GRM7: variants seen among roughly 807,000 people sequenced by gnomAD.
The protein encoded by GRM7 is metabotropic glutamate receptor 7.
GRM7 carries 35 observed loss-of-function variants against 84.5 expected under a neutral mutation model. The ratio of observed to expected loss-of-function variants is 0.41; its 90% CI spans 0.32 to 0.55. The LOEUF (loss-of-function observed/expected upper bound fraction) is 0.55. Among genes scored for constraint, GRM7 ranks in the 20% least tolerant of loss-of-function variants. GRM7 has a pLI of 0.19. For missense variants in GRM7, 1,003 were observed against 1,194.6 expected (o/e 0.84, Z 2.36); for synonymous variants, 487 against 455.1 (o/e 1.07, Z -0.89).
At chr3:7,694,109 C>T (rs1559491989) in intron 9 of GRM7, among the ~76,000 whole-genome samples, 1 of 152,028 alleles carries the variant, frequency 6.6e-6, no homozygotes, top group African/African-American at 2.4e-5. Context: ...AAAAGAAAAT[C>T]AAATAAGGGA....
At chr3:7,024,361 A>G (rs1414004604) in intron 1 of GRM7, among the ~76,000 whole-genome samples, 1 of 152,210 alleles carries the variant, frequency 6.6e-6, no homozygotes, top group African/African-American at 2.4e-5. Flanking sequence ...CAAACCAACC[A>G]CACCAAATGC....
Position 7,427,322 on chromosome 3 carries a change from C to T in GRM7, c.1174+12159C>T, listed in dbSNP as rs149393168. On this transcript the variant is annotated intron_variant, in intron 5 of 9. Coordinates refer to ENST00000357716, the MANE Select transcript of GRM7 (RefSeq NM_000844.4). Reference sequence around the variant, plus strand: ...ATCTTCTCTGCATTGATCATTGTTACGTTCAGTGCTCTTATGTTATGCTCT... The same window carrying T: ...ATCTTCTCTGCATTGATCATTGTTATGTTCAGTGCTCTTATGTTATGCTCT... Among the ~76,000 whole-genome samples, 506 of 152,240 alleles carry T rather than the reference C, an allele frequency of 3.3e-3. 2 individuals carry two copies. The highest frequency in any genetic ancestry group is 5.4e-3 in the Non-Finnish European group (370 of 68,018).
intron 2 of GRM7, among the ~76,000 whole-genome samples, chr3:7,186,526 G>A (rs992374841): frequency 6.6e-6 from 1 of 152,106 alleles, no homozygotes; most frequent in Non-Finnish European, 1.5e-5. Flanking sequence ...AACGAATAAG[G>A]CCAGGGCATA....
chr3:7,716,524 T>C (rs898871089), intron 9 of GRM7, among the ~76,000 whole-genome samples: 2 of 152,194 alleles, frequency 1.3e-5, no homozygotes, highest in East Asian at 1.9e-4. Context: ...AAAGCATCTA[T>C]AGGTTTCTAT....
intron 1 of GRM7, among the ~76,000 whole-genome samples, chr3:6,955,660 T>C (rs1693008706): frequency 6.6e-6 from 1 of 151,822 alleles, no homozygotes; most frequent in South Asian, 2.1e-4. Flanking sequence ...GTGGCCAACA[T>C]GGTGACACCC....
chr3:7,036,468 C>G (rs1696388185), intron 1 of GRM7, among the ~76,000 whole-genome samples: 1 of 152,022 alleles, frequency 6.6e-6, no homozygotes, highest in African/African-American at 2.4e-5. Context: ...AGAATCACAT[C>G]TAGATAACAA....
At chr3:7,458,473 G>C (rs1013296964) in intron 6 of GRM7, among the ~76,000 whole-genome samples, 1 of 152,132 alleles carries the variant, frequency 6.6e-6, no homozygotes, top group Non-Finnish European at 1.5e-5. Flanking sequence ...GAAATAATAA[G>C]ACAGCTGCAT....
chr3:7,015,172 C>T (rs939742687), intron 1 of GRM7, among the ~76,000 whole-genome samples: 2 of 151,468 alleles, frequency 1.3e-5, no homozygotes, highest in Non-Finnish European at 2.9e-5. Context: ...CTGCTTGGGT[C>T]CCCTTCCCTG....
At chr3:6,942,536 G>T (rs74807556) in intron 1 of GRM7, among the ~76,000 whole-genome samples, 7,749 of 152,030 alleles carry the variant, frequency 0.051, 246 homozygotes, top group African/African-American at 0.069. Context: ...TTTGAGATTT[G>T]TCCATGTTAT....
At chr3:7,481,337 C>T (rs555578551) in intron 7 of GRM7, among the ~76,000 whole-genome samples, 8 of 152,232 alleles carry the variant, frequency 5.3e-5, no homozygotes, top group South Asian at 4.1e-4. Context: ...CTCCTGGGCT[C>T]CCGCCTCGGC....
At chr3:7,588,127 C>T (rs1034367089) in intron 8 of GRM7, among the ~76,000 whole-genome samples, 10 of 152,044 alleles carry the variant, frequency 6.6e-5, no homozygotes, top group South Asian at 2.1e-4. Flanking sequence ...GAAGAGTATC[C>T]GTATACTAGA....
chr3:7,680,918 A>G (rs1700342140), intron 9 of GRM7: 2 of 152,474 alleles, frequency 1.3e-5, no homozygotes, highest in Admixed American at 1.3e-4. Context: ...GGAAGAAATC[A>G]AGGAAAAAAA....
chr3:7,176,963 A>T (rs1695171879), intron 2 of GRM7, among the ~76,000 whole-genome samples: 1 of 152,244 alleles, frequency 6.6e-6, no homozygotes, highest in Non-Finnish European at 1.5e-5. Flanking sequence ...ACCACAAGAT[A>T]CAAGTAGTAC....
At chr3:7,036,183 A>C (rs543136983) in intron 1 of GRM7, among the ~76,000 whole-genome samples, 1 of 152,370 alleles carries the variant, frequency 6.6e-6, no homozygotes, top group African/African-American at 2.4e-5. Context: ...CATTAATTGT[A>C]TAATAAAAAT....
At chr3:7,447,383 G>A (rs745475397) in intron 5 of GRM7, among the ~76,000 whole-genome samples, 19 of 152,088 alleles carry the variant, frequency 1.2e-4, no homozygotes, top group Non-Finnish European at 2.5e-4. Context: ...TAGTCCCTTA[G>A]AATTTTGTAA....
At position 7,579,120 on chromosome 3, in the gene GRM7, G is replaced by A; in HGVS notation, c.2214G>A (p.Met738Ile). Residue 738 changes from methionine (M) to isoleucine (I), a missense_variant, in exon 8 of 10, where the codon ATG (methionine) becomes ATA (isoleucine). Coordinates refer to ENST00000357716, the MANE Select transcript of GRM7 (RefSeq NM_000844.4). ...TAGACTATGATGAACACAAGACAAT[G>A]AACCCTGAGCAAGCCAGAGGGGTTC... ...IIIDYDEHKT[M>I]NPEQARGVLK... The A allele has an allele frequency of 6.2e-7, 1 of 1,613,890 alleles. No homozygotes were observed. Among genetic ancestry groups the A allele is most frequent in the Non-Finnish European group, 8.5e-7 (1 of 1,179,862 alleles).
intron 1 of GRM7, among the ~76,000 whole-genome samples, chr3:6,969,717 C>G (rs555717611): frequency 6.6e-6 from 1 of 152,210 alleles, no homozygotes; most frequent in Admixed American, 6.5e-5. Flanking sequence ...CCTGCCTGCT[C>G]CTTCTCTTAG....
At chr3:7,714,733 T>C (rs1317361828) in intron 9 of GRM7, among the ~76,000 whole-genome samples, 2 of 152,230 alleles carry the variant, frequency 1.3e-5, no homozygotes, top group Non-Finnish European at 2.9e-5. Flanking sequence ...ATTTCCTCTG[T>C]GGATAAATCC....
intron 7 of GRM7, among the ~76,000 whole-genome samples, chr3:7,492,516 T>C (rs890700842): frequency 1.8e-4 from 28 of 152,164 alleles, no homozygotes; most frequent in African/African-American, 5.8e-4. Context: ...GTTGTTGTTC[T>C]ATTTACCTAT....
Sources: gnomAD v4.1 joint callset for allele counts (sites outside exome capture counted in the v4.1 genomes callset) on GRCh38, gnomAD v4.1.1 for gene constraint, MANE v1.5 for transcripts, NCBI Gene and HGNC (gene_info 2026-07-23, HGNC 2026-07-21) for gene names.